The following ADGRE3 variants were observed in gnomAD, a reference collection of about 807,000 sequenced individuals.
ADGRE3 encodes the protein adhesion G protein-coupled receptor E3.
ADGRE3 carries 88 observed loss-of-function variants against 80.1 expected under a neutral mutation model. The ratio of observed to expected loss-of-function variants is 1.10; its 90% CI spans 0.93 to 1.31. The LOEUF (loss-of-function observed/expected upper bound fraction) is 1.31. Among genes scored for constraint, ADGRE3 ranks in the 40% most tolerant of loss-of-function variants. The pLI is 0.00. For missense variants in ADGRE3, 715 were observed against 776.5 expected, an observed-to-expected ratio of 0.92 and a Z score of 0.94; for synonymous variants, 281 against 294.8, an observed-to-expected ratio of 0.95 and a Z score of 0.48.
At chr19:14,614,126 C>T (rs2075062547), downstream of ADGRE3, among the ~76,000 whole-genome samples, 1 of 152,116 alleles carries the variant, frequency 6.6e-6, no homozygotes, top group African/African-American at 2.4e-5. Flanking sequence ...TGCAGCTGCC[C>T]TGATGCATCA....
At chr19:14,604,441 T>G in the ADGRE3 span, among the ~76,000 whole-genome samples, 1 of 152,268 alleles carries the variant, frequency 6.6e-6, no homozygotes, top group Middle Eastern at 3.4e-3. Flanking sequence ...AGAAATATTT[T>G]CTTTTACAAA....
At chr19:14,657,296 T>C (rs1349200510) in intron 5 of ADGRE3, among the ~76,000 whole-genome samples, 2 of 152,194 alleles carry the variant, frequency 1.3e-5, no homozygotes, top group African/African-American at 4.8e-5. Flanking sequence ...AGTCTAGGGA[T>C]TGATTACATG....
At chr19:14,651,285 C>G in intron 6 of ADGRE3, 81 bp from the exon 7 acceptor site, 1 of 1,489,998 alleles carries the variant, frequency 6.7e-7, no homozygotes, top group African/African-American at 1.4e-5. Context: ...CATGGTGGTG[C>G]ATGCCTGTAG....
At chr19:14,626,160 G>A (rs1023429543) in intron 14 of ADGRE3, among the ~76,000 whole-genome samples, 2 of 152,118 alleles carry the variant, frequency 1.3e-5, no homozygotes, top group Non-Finnish European at 2.9e-5. Context: ...TTTATGGCCA[G>A]GTGTGGTGGC....
the ADGRE3 span, chr19:14,607,132 T>C: frequency 9.0e-7 from 1 of 1,109,480 alleles, no homozygotes; most frequent in Non-Finnish European, 1.2e-6. Context: ...GGGGTCTCTC[T>C]GCTTCCTCTG....
At chr19:14,611,356 C>T in the ADGRE3 span, among the ~76,000 whole-genome samples, 73 of 149,228 alleles carry the variant, frequency 4.9e-4, no homozygotes, top group Admixed American at 2.4e-3. Flanking sequence ...AGACTTGGCC[C>T]GTGGAACTTC....
At chr19:14,624,184 G>A (rs9807878) in intron 15 of ADGRE3, among the ~76,000 whole-genome samples, 8 of 150,686 alleles carry the variant, frequency 5.3e-5, no homozygotes, top group Middle Eastern at 3.5e-3. Flanking sequence ...AACCTCTGCT[G>A]CCCGGATTCA....
chr19:14,608,735 G>T, the ADGRE3 span, among the ~76,000 whole-genome samples: 8 of 148,142 alleles, frequency 5.4e-5, no homozygotes, highest in Non-Finnish European at 8.9e-5. Context: ...CCAGGCTCAA[G>T]TGATTCTCCC....
At chr19:14,602,725 T>C in the ADGRE3 span, among the ~76,000 whole-genome samples, 1 of 152,142 alleles carries the variant, frequency 6.6e-6, no homozygotes, top group African/African-American at 2.4e-5. Context: ...GCATTATTTG[T>C]ATGAGTAGTT....
At position 14,661,978 on chromosome 19, in the gene ADGRE3, C is replaced by T. The variant is rs775280358; in HGVS notation, c.340G>A (p.Glu114Lys). The T allele has an allele frequency of 1.9e-6, 3 of 1,614,150 alleles. No individual in the cohort carries two copies. The highest frequency in any genetic ancestry group is 1.7e-5 in the Admixed American group (1 of 60,018). Reference protein sequence around the residue: ...SGNEQFSNSNENTCQDTTSSK... With the variant: ...SGNEQFSNSNKNTCQDTTSSK... The stretch of plus-strand genomic sequence containing the variant: ...ATGTTCTTACCCTGACAGGTGTTCT[C>T]ATTGGAATTACTGAATTGTTCATTC... Residue 114 changes from glutamate to lysine, a missense_variant, in exon 4 of 16, where the codon GAG becomes AAG. Glu to Lys is a moderately conservative substitution (Grantham distance 56, BLOSUM62 1). Coordinates refer to ENST00000253673, the MANE Select transcript of ADGRE3 (RefSeq NM_032571.5).
Position 14,647,223 on chromosome 19 carries a change from C to T in ADGRE3, c.840G>A (p.Val280=). 6.2e-7 allele frequency: 1 copy of T among 1,614,034 alleles called. No homozygotes were observed. Among genetic ancestry groups the T allele is most frequent in the African/African-American group, 1.3e-5 (1 of 75,000 alleles). Residue 280 remains valine (V), a synonymous_variant, in exon 8 of 16, where the codon GTG becomes GTA. Coordinates refer to ENST00000253673, the MANE Select transcript of ADGRE3 (RefSeq NM_032571.5). The stretch of plus-strand genomic sequence containing the variant: ...TCAGCGTCACAGACTTGGAGAGAGA[C>T]ACGTTCCTTTTGGGTCCAATAGCAG... ...VSAAIGPKRN[V]SLSKSVTLTF...
At chr19:14,640,216 A>G (rs543620213) in intron 10 of ADGRE3, among the ~76,000 whole-genome samples, 1 of 152,250 alleles carries the variant, frequency 6.6e-6, no homozygotes, top group Admixed American at 6.5e-5. Flanking sequence ...TTACAAAGGC[A>G]TTCCTCATAC....
the ADGRE3 span, among the ~76,000 whole-genome samples, chr19:14,601,630 T>G: frequency 2.6e-5 from 4 of 151,930 alleles, no homozygotes; most frequent in Non-Finnish European, 5.9e-5. Flanking sequence ...CTTTTTTCTG[T>G]TTTTCAGGGA....
downstream of ADGRE3, among the ~76,000 whole-genome samples, chr19:14,617,073 G>A (rs1289369587): frequency 6.6e-6 from 1 of 152,008 alleles, no homozygotes; most frequent in African/African-American, 2.4e-5. Context: ...GGGATTATAG[G>A]TGTGAGCCAC....
chr19:14,609,970 C>A, the ADGRE3 span: 1 of 923,418 alleles, frequency 1.1e-6, no homozygotes, highest in South Asian at 1.5e-5. Flanking sequence ...TTGCCAAATG[C>A]GTAGTGCCAG....
At chr19:14,624,096 C>CTTTT (rs760687394) in intron 15 of ADGRE3, among the ~76,000 whole-genome samples, 2,111 of 139,794 alleles carry the variant, frequency 0.015, 31 homozygotes, top group Middle Eastern at 0.027. Flanking sequence ...ACCTGGCTTC[C>CTTTT]TTTTTTTTTT....
chr19:14,617,341 C>CCTCCCTCCCTCTCTTT, downstream of ADGRE3, among the ~76,000 whole-genome samples: 1,230 of 57,250 alleles, frequency 0.021, 32 homozygotes, highest in Non-Finnish European at 0.027. Flanking sequence ...TCCCTCCCTC[C>CCTCCCTCCCTCTCTTT]CTTTCTTTCT....
chr19:14,611,374 T>C, the ADGRE3 span, among the ~76,000 whole-genome samples: 2 of 127,714 alleles, frequency 1.6e-5, no homozygotes, highest in Non-Finnish European at 3.1e-5. Context: ...TTCTATCCTT[T>C]TTTTTTTTTT....
At position 14,647,271 on chromosome 19, in the gene ADGRE3, A is replaced by G; in HGVS notation, c.792T>C (p.Tyr264=). The change falls in exon 8 of 16, where the codon TAT becomes TAC. Residue 264 remains tyrosine (Y), a synonymous_variant. Transcript: ENST00000253673. Reference sequence around the variant, plus strand: ...CAGCACTCACAACCTGAGAGTTCAGATACACTTGATCTTTCTTATCCATCT... The same window carrying G: ...CAGCACTCACAACCTGAGAGTTCAGGTACACTTGATCTTTCTTATCCATCT... ...FEEMDKKDQV[Y]LNSQVVSAAI... The G allele has an allele frequency of 1.2e-6, 2 of 1,613,436 alleles. No individual in the cohort carries two copies. Among genetic ancestry groups the G allele is most frequent in the South Asian group, 1.1e-5 (1 of 91,076 alleles).
Sources: gnomAD v4.1 joint callset for allele counts (sites outside exome capture counted in the v4.1 genomes callset) on GRCh38, gnomAD v4.1.1 for gene constraint, MANE v1.5 for transcripts, NCBI Gene and HGNC (gene_info 2026-07-23, HGNC 2026-07-21) for gene names.